Variants in CCDC82 observed in about 807,000 individuals in gnomAD.
CCDC82 encodes the protein coiled-coil domain containing 82, also known as coiled-coil domain-containing protein 82.
Under a neutral mutation model 60.6 loss-of-function variants are expected in CCDC82, and 47 were observed. The ratio of observed to expected loss-of-function variants is 0.77; its 90% CI spans 0.61 to 0.99. The LOEUF (loss-of-function observed/expected upper bound fraction) is 0.99, where lower values mean the gene tolerates loss of function less well. Ranked by LOEUF, CCDC82 falls within the 50% of genes least tolerant of loss-of-function variation. The pLI is 0.00. For synonymous variants in CCDC82, 212 were observed against 207.4 expected, an observed-to-expected ratio of 1.02 and a Z score of -0.19; for missense variants, 588 against 633.0, an observed-to-expected ratio of 0.93 and a Z score of 0.76.
rs556829621 is a variant in CCDC82 at position 96,358,246 on chromosome 11, A to G, written c.1566+747T>C. ...ATCTACTATTTGTTCTCTCTTATACATTCATGTAACTAGACTTGTTTTAGA... is the reference window on the plus strand; with the variant it reads ...ATCTACTATTTGTTCTCTCTTATACGTTCATGTAACTAGACTTGTTTTAGA... On this transcript the variant is annotated intron_variant, in intron 9 of 9. Transcript: ENST00000646818. 4.7e-6 allele frequency: 5 copies of G among 1,059,230 alleles called. No homozygotes were observed. The East Asian group carries it at 2.7e-4, about 56-fold the overall frequency. 65.6% of individuals were successfully genotyped at this position (1,059,230 alleles called of 1,614,324 possible).
intron 8 of CCDC82, chr11:96,359,403 G>A (rs1864515168): frequency 7.9e-6 from 3 of 380,740 alleles, no homozygotes; most frequent in Non-Finnish European, 1.4e-5. Flanking sequence ...CCTATTACCG[G>A]TATTAGGGAG....
chr11:96,380,199 T>C (rs1865794347), intron 5 of CCDC82, among the ~76,000 whole-genome samples: 1 of 151,414 alleles, frequency 6.6e-6, no homozygotes, highest in Non-Finnish European at 1.5e-5. Context: ...CTTTGTAGAG[T>C]TACTGGGAAA....
At chr11:96,376,606 T>A (rs1865590699) in intron 5 of CCDC82, among the ~76,000 whole-genome samples, 1 of 151,888 alleles carries the variant, frequency 6.6e-6, no homozygotes, top group African/African-American at 2.4e-5. Context: ...TTTTGTACTT[T>A]TAGTAGAGAC....
intron 4 of CCDC82, 78 bp from the exon 5 acceptor site, chr11:96,383,551 A>G: frequency 1.1e-6 from 1 of 891,720 alleles, no homozygotes; most frequent in South Asian, 1.9e-5. Flanking sequence ...AAAACATTAA[A>G]TCTGACAGCA....
Position 96,353,493 on chromosome 11 carries a change from C to A in CCDC82, c.*153G>T, listed in dbSNP as rs1198169288. 8.0e-6 allele frequency: 5 copies of A among 626,748 alleles called. No homozygotes were observed. Among genetic ancestry groups the A allele is most frequent in the African/African-American group, 1.9e-5 (1 of 53,824 alleles). 38.8% of individuals were successfully genotyped at this position (626,748 alleles called of 1,614,324 possible). A position where few individuals can be genotyped will look rare whatever the true frequency, so the allele number is the denominator to read the frequency against. On this transcript the variant is annotated 3_prime_UTR_variant, in exon 10 of 10. Coordinates refer to ENST00000646818, the MANE Select transcript of CCDC82 (RefSeq NM_024725.4). ...AGTTTAATTAGAGTGTAGAGTGCCA[C>A]TTCACAGGAATTAAGATAATCATGT...
At chr11:96,357,746 A>T in intron 9 of CCDC82, 8 of 985,410 alleles carry the variant, frequency 8.1e-6, no homozygotes, top group African/African-American at 1.7e-5. Flanking sequence ...GGCATCAATA[A>T]AAGCACTTAA....
chr11:96,363,509 T>C (rs1469653884), intron 8 of CCDC82: 1 of 152,206 alleles, frequency 6.6e-6, no homozygotes, highest in African/African-American at 2.4e-5. Flanking sequence ...CATTTTTATA[T>C]AGATGCCTAG....
intron 5 of CCDC82, chr11:96,380,885 T>C (rs1865842123): frequency 6.6e-6 from 1 of 151,640 alleles, no homozygotes; most frequent in Non-Finnish European, 1.5e-5. Context: ...CTACTCTGTA[T>C]GATAGTGTAA....
rs1027792534 is a variant in CCDC82 at position 96,353,266 on chromosome 11, A to T, written c.*380T>A. On this transcript the variant is annotated 3_prime_UTR_variant, in exon 10 of 10. Coordinates refer to ENST00000646818, the MANE Select transcript of CCDC82 (RefSeq NM_024725.4). ...TTTAATACTGTAAAAGAATAAACAGATCTGGACAGGAATTCCGTAAAAATA... is the reference window on the plus strand; with the variant it reads ...TTTAATACTGTAAAAGAATAAACAGTTCTGGACAGGAATTCCGTAAAAATA... 5.8e-6 allele frequency: 1 copy of T among 173,576 alleles called. No individual in the cohort carries two copies. The highest frequency in any genetic ancestry group is 2.4e-5 in the African/African-American group (1 of 41,660). 10.8% of individuals were successfully genotyped at this position (173,576 alleles called of 1,614,324 possible).
intron 2 of CCDC82, chr11:96,386,563 T>G (rs898353351): frequency 1.3e-5 from 2 of 152,182 alleles, no homozygotes; most frequent in Non-Finnish European, 2.9e-5. Flanking sequence ...TCAAGCGATA[T>G]GTTTCGATTT....
chr11:96,361,798 A>G (rs1016941683), intron 8 of CCDC82, among the ~76,000 whole-genome samples: 1 of 152,232 alleles, frequency 6.6e-6, no homozygotes, highest in Non-Finnish European at 1.5e-5. Context: ...AGAAAAATAT[A>G]TTTAGAACAA....
At chr11:96,354,674 G>T (rs564392690) in intron 9 of CCDC82, 1 of 152,322 alleles carries the variant, frequency 6.6e-6, no homozygotes, top group African/African-American at 2.4e-5. Context: ...GAGGGGTCAA[G>T]AATGATTTAG....
chr11:96,384,400 G>C lies in CCDC82; in HGVS notation c.348C>G (p.Ile116Met). 6.2e-7 allele frequency: 1 copy of C among 1,613,658 alleles called. No individual in the cohort carries two copies. Among genetic ancestry groups the C allele is most frequent in the Non-Finnish European group, 8.5e-7 (1 of 1,179,804 alleles). ...GSTYEEETNK[I>M]KHRNIDLQDQ... ...CTTGTAAGTCAATATTCCTATGTTT[G>C]ATTTTGTTCGTTTCTTCTTCATATG... Residue 116 changes from isoleucine to methionine, a missense_variant, in exon 4 of 10, where the codon ATC (isoleucine) becomes ATG (methionine). By Grantham distance (10) the Ile-to-Met change is conservative. Transcript: ENST00000646818.
chr11:96,362,796 A>C lies in CCDC82; in HGVS notation c.1380+2184T>G, dbSNP rs1000748263. ...AAGAAAGGAGAAAAGTTTTCTTATGAAACAAATTTGCTGTTAAGTGAATTC... is the reference window on the plus strand; with the variant it reads ...AAGAAAGGAGAAAAGTTTTCTTATGCAACAAATTTGCTGTTAAGTGAATTC... On this transcript the variant is annotated intron_variant, in intron 8 of 9. Coordinates refer to ENST00000646818, the MANE Select transcript of CCDC82 (RefSeq NM_024725.4). Among the ~76,000 whole-genome samples the C allele has an allele frequency of 5.3e-5, 8 of 152,184 alleles. 1 individual carries two copies. The highest frequency in any genetic ancestry group is 1.9e-4 in the African/African-American group (8 of 41,444).
At chr11:96,366,824 A>G (rs1591179668) in intron 7 of CCDC82, among the ~76,000 whole-genome samples, 1 of 152,220 alleles carries the variant, frequency 6.6e-6, no homozygotes, top group Non-Finnish European at 1.5e-5. Context: ...ATCTATAAAT[A>G]CAGTACAGGT....
At chr11:96,363,901 C>G (rs1310902567) in intron 8 of CCDC82, 1 of 152,074 alleles carries the variant, frequency 6.6e-6, no homozygotes, top group Admixed American at 6.5e-5. Context: ...TTATAGTTTT[C>G]TCTTACGTGA....
intron 5 of CCDC82, among the ~76,000 whole-genome samples, chr11:96,375,428 A>G (rs573180226): frequency 3.9e-5 from 6 of 152,330 alleles, no homozygotes; most frequent in Admixed American, 3.9e-4. Flanking sequence ...CAAAAAAGTC[A>G]GGAAAAAGGC....
chr11:96,365,487 T>A (rs1864897861), intron 7 of CCDC82, among the ~76,000 whole-genome samples: 1 of 152,210 alleles, frequency 6.6e-6, no homozygotes, highest in East Asian at 1.9e-4. Context: ...GCAGCAAAAA[T>A]GTAGGATGAT....
chr11:96,383,220 A>ATATC, intron 5 of CCDC82, 49 bp downstream of exon 5: 1 of 1,083,662 alleles, frequency 9.2e-7, no homozygotes, highest in South Asian at 1.3e-5. Flanking sequence ...ATACTTGATA[A>ATATC]AATATCATGA....
Sources: gnomAD v4.1 joint callset for allele counts (sites outside exome capture counted in the v4.1 genomes callset) on GRCh38, gnomAD v4.1.1 for gene constraint, MANE v1.5 for transcripts, NCBI Gene and HGNC (gene_info 2026-07-23, HGNC 2026-07-21) for gene names.